The following FOCAD variants were observed in gnomAD, a reference collection of about 807,000 sequenced individuals.
FOCAD encodes the protein KIAA1797.
A neutral mutation model predicts 225.6 loss-of-function variants in FOCAD; 198 were observed. The ratio of observed to expected loss-of-function variants is 0.88; its 90% CI spans 0.78 to 0.99. The LOEUF is 0.99. Among genes scored for constraint, FOCAD ranks in the 50% least tolerant of loss-of-function variants. The probability of loss-of-function intolerance (pLI) is 0.00; values close to 1 mark genes in which losing one functional copy is unlikely to be tolerated. For synonymous variants in FOCAD, 897 were observed against 755.0 expected, an observed-to-expected ratio of 1.19 and a Z score of -3.08; for missense variants, 2,713 against 2,123.6, an observed-to-expected ratio of 1.28 and a Z score of -5.46.
chr9:20,698,198 T>G (rs1454144528), intron 1 of FOCAD, among the ~76,000 whole-genome samples: 1 of 152,196 alleles, frequency 6.6e-6, no homozygotes. Flanking sequence ...TATGCCCCAT[T>G]GTAAGAACAA....
At chr9:20,808,958 A>G (rs1376369401) in intron 11 of FOCAD, among the ~76,000 whole-genome samples, 1 of 152,228 alleles carries the variant, frequency 6.6e-6, no homozygotes, top group Non-Finnish European at 1.5e-5. Context: ...ATATCCAAGC[A>G]ATGAAATAGT....
intron 23 of FOCAD, among the ~76,000 whole-genome samples, chr9:20,914,414 C>T (rs968542687): frequency 1.3e-5 from 2 of 151,944 alleles, no homozygotes; most frequent in Non-Finnish European, 2.9e-5. Flanking sequence ...AAATAAAGTA[C>T]GATAGAGGGA....
intron 7 of FOCAD, among the ~76,000 whole-genome samples, chr9:20,767,504 A>C (rs1269245345): frequency 1.3e-5 from 2 of 151,508 alleles, no homozygotes; most frequent in African/African-American, 4.9e-5. Flanking sequence ...CTGACTTTTT[A>C]ATGATCGCCA....
chr9:20,708,797 T>A (rs1824598777), intron 1 of FOCAD, among the ~76,000 whole-genome samples: 1 of 151,244 alleles, frequency 6.6e-6, no homozygotes, highest in Admixed American at 6.6e-5. Context: ...AAAAAAAAAA[T>A]TCTGTTTAGC....
chr9:20,705,683 A>G (rs1450154252), intron 1 of FOCAD, among the ~76,000 whole-genome samples: 1 of 151,856 alleles, frequency 6.6e-6, no homozygotes, highest in Non-Finnish European at 1.5e-5. Flanking sequence ...AATATATGTA[A>G]TTGTTTTGGT....
At position 20,758,185 on chromosome 9, in the gene FOCAD, C is replaced by T; in HGVS notation, c.488C>T (p.Pro163Leu). Residue 163 changes from proline (P) to leucine (L), a missense_variant, in exon 6 of 44, where the codon CCT becomes CTT. Transcript: ENST00000338382. Reference protein sequence around the residue: ...QQLTAFFQQCPERLEVSCIQI... With the variant: ...QQLTAFFQQCLERLEVSCIQI... ...CTGACAGCGTTTTTCCAGCAGTGCC[C>T]TGAAAGGTAATGTAAAATAAAAGTG... The T allele has an allele frequency of 6.2e-7, 1 of 1,609,682 alleles. No individual in the cohort carries two copies. Among genetic ancestry groups the T allele is most frequent in the Non-Finnish European group, 8.5e-7 (1 of 1,177,414 alleles).
At chr9:20,874,250 G>A (rs573223790) in intron 18 of FOCAD, 44 of 159,640 alleles carry the variant, frequency 2.8e-4, no homozygotes, top group Non-Finnish European at 3.1e-4. Context: ...TTTAAGCTCT[G>A]TCATGGACAT....
At chr9:20,695,713 T>A (rs970435489) in intron 1 of FOCAD, among the ~76,000 whole-genome samples, 3 of 152,188 alleles carry the variant, frequency 2.0e-5, no homozygotes, top group African/African-American at 7.2e-5. Flanking sequence ...CTGGTTTCAG[T>A]TTATAATATT....
chr9:20,894,415 T>C (rs1270643566), intron 21 of FOCAD, among the ~76,000 whole-genome samples: 2 of 152,104 alleles, frequency 1.3e-5, no homozygotes, highest in Non-Finnish European at 2.9e-5. Context: ...CTGGATTGTA[T>C]GGTAAGAGTG....
intron 5 of FOCAD, among the ~76,000 whole-genome samples, chr9:20,755,851 G>C (rs1159618653): frequency 2.0e-5 from 3 of 151,964 alleles, no homozygotes; most frequent in Non-Finnish European, 4.4e-5. Context: ...GTAGAGACTG[G>C]GTCCTGCTAT....
At position 20,766,022 on chromosome 9, in the gene FOCAD, C is replaced by G. The variant is rs139993470; in HGVS notation, c.699+949C>G. 3.2e-3 allele frequency among the ~76,000 whole-genome samples: 489 copies of G among 152,262 alleles called. 3 individuals are homozygous for G. Among genetic ancestry groups the G allele is most frequent in the African/African-American group, 0.011 (470 of 41,550 alleles). On this transcript the variant is annotated intron_variant, in intron 7 of 43. Coordinates refer to ENST00000338382, the MANE Select transcript of FOCAD (RefSeq NM_001375567.1). The stretch of plus-strand genomic sequence containing the variant: ...AGAAAATTTAATTAAAATGAATTCT[C>G]CTGTGGCTTTTCCAAAGCTTTTGTT...
At chr9:20,910,601 G>A (rs1362698135) in intron 22 of FOCAD, among the ~76,000 whole-genome samples, 1 of 152,026 alleles carries the variant, frequency 6.6e-6, no homozygotes, top group Non-Finnish European at 1.5e-5. Context: ...GGGATAGCTA[G>A]ATTAATCATT....
At position 20,991,677 on chromosome 9, in the gene FOCAD, G is replaced by A. The variant is rs147764054; in HGVS notation, c.5256+1303G>A. Among the ~76,000 whole-genome samples, 343 of 152,222 alleles carry A rather than the reference G, an allele frequency of 2.3e-3. 5 individuals are homozygous for A. In the East Asian group the frequency reaches 0.036, roughly 16 times the overall value. On this transcript the variant is annotated intron_variant, in intron 42 of 43. Coordinates refer to ENST00000338382, the MANE Select transcript of FOCAD (RefSeq NM_001375567.1). ...AAAATGCAAGAATTAGACGAGTGTG[G>A]TGGTGTGTGCCTATAATCCCAGCTA...
chr9:20,672,490 G>A (rs1587190381), intron 2 of FOCAD, among the ~76,000 whole-genome samples: 1 of 151,952 alleles, frequency 6.6e-6, no homozygotes, highest in Admixed American at 6.6e-5. Flanking sequence ...TCACTCTGTC[G>A]CCCAGGCTGG....
chr9:20,986,213 C>T, intron 39 of FOCAD, 75 bp from the exon 40 acceptor site: 1 of 1,326,164 alleles, frequency 7.5e-7, no homozygotes, highest in Non-Finnish European at 9.8e-7. Context: ...TTTTGTTTTG[C>T]CCTTGCCCTG....
chr9:20,724,992 A>G (rs968395706), intron 4 of FOCAD, among the ~76,000 whole-genome samples: 2 of 152,186 alleles, frequency 1.3e-5, no homozygotes, highest in African/African-American at 4.8e-5. Context: ...AACAAAGTGT[A>G]ACCCTGTCTC....
At chr9:20,854,106 A>T (rs556250149) in intron 15 of FOCAD, among the ~76,000 whole-genome samples, 47 of 151,738 alleles carry the variant, frequency 3.1e-4, no homozygotes, top group Non-Finnish European at 4.6e-4. Flanking sequence ...CATAGCCTAA[A>T]GGTTTTTTAT....
chr9:20,869,477 T>C (rs2131746723), intron 18 of FOCAD, among the ~76,000 whole-genome samples: 1 of 152,318 alleles, frequency 6.6e-6, no homozygotes, highest in South Asian at 2.1e-4. Flanking sequence ...ATTTATGTTG[T>C]ATAACTTGTT....
chr9:20,958,400 T>A lies in FOCAD; in HGVS notation c.4132+5335T>A, dbSNP rs186546704. ...TTTTTTTAAGTAAATTTGAAATTTT[T>A]AAAAAAAATTTTTAATTGATGAATA... On this transcript the variant is annotated intron_variant, in intron 35 of 43. Coordinates refer to ENST00000338382, the MANE Select transcript of FOCAD (RefSeq NM_001375567.1). 2.5e-3 allele frequency among the ~76,000 whole-genome samples: 376 copies of A among 148,026 alleles called. 2 individuals are homozygous for A. The highest frequency in any genetic ancestry group is 8.4e-3 in the African/African-American group (349 of 41,372).
Sources: allele counts gnomAD v4.1 joint callset (sites outside exome capture counted in the v4.1 genomes callset), GRCh38; gene constraint gnomAD v4.1.1; transcripts MANE v1.5; gene names NCBI Gene and HGNC (gene_info 2026-07-23, HGNC 2026-07-21).